MYO1G: variants seen among roughly 807,000 people sequenced by gnomAD.
MYO1G encodes myosin IG.
Under a neutral mutation model 115.3 loss-of-function variants are expected in MYO1G, and 65 were observed. That is an observed-to-expected ratio of 0.56 (90% CI 0.46 to 0.69). The LOEUF is 0.69. Among genes scored for constraint, MYO1G ranks in the 30% least tolerant of loss-of-function variants. The pLI is 0.00. For synonymous variants in MYO1G, 510 were observed against 552.6 expected (o/e 0.92, Z 1.08); for missense variants, 1,204 against 1,393.5 (o/e 0.86, Z 2.16).
In MYO1G at chr7:44,969,408, C is replaced by T. The variant is rs1443029493; in HGVS notation, c.1574+5G>A. 1 of 1,613,846 alleles carries T rather than the reference C, an allele frequency of 6.2e-7. No homozygotes were observed. The highest frequency in any genetic ancestry group is 1.1e-5 in the South Asian group (1 of 91,084). On this transcript the variant is annotated splice_donor_5th_base_variant and intron_variant, in intron 12 of 21. Coordinates refer to ENST00000258787, the MANE Select transcript of MYO1G (RefSeq NM_033054.3). This position sits in a 1 kb window ranked among gnomAD's most constrained non-coding sequence, Gnocchi z 5.0. ...CCAGGGATGTGGGTGGGAGGGGGCC[C>T]TTACGTGACGTCCCCTGCATAGTGC...
In MYO1G at chr7:44,964,064, G is replaced by A. The variant is rs746227035; in HGVS notation, c.2730C>T (p.Ala910=). 16 of 1,596,214 alleles carry A rather than the reference G, an allele frequency of 1.0e-5. No homozygotes were observed. Among genetic ancestry groups the A allele is most frequent in the Non-Finnish European group, 1.4e-5 (16 of 1,171,518 alleles). The change falls in exon 20 of 22, where the codon GCC becomes GCT. Residue 910 remains alanine (A), a synonymous_variant. Coordinates refer to ENST00000258787, the MANE Select transcript of MYO1G (RefSeq NM_033054.3). This position sits in a 1 kb window ranked among gnomAD's most constrained non-coding sequence, Gnocchi z 5.1. ...CATTGCTCACCGCCTCAAGGGGCAC[G>A]GCCCGCATCACCCGGTACTGCCGGT... ...DPDRQYRVMR[A]VPLEAVTGLS... is the part of the protein sequence containing the mutation.
At chr7:44,978,368 G>A (rs969572114) in intron 1 of MYO1G, among the ~76,000 whole-genome samples, 8 of 152,210 alleles carry the variant, frequency 5.3e-5, no homozygotes, top group Non-Finnish European at 1.2e-4. Flanking sequence ...TGGTGGGAAT[G>A]TTTGGACCCT....
chr7:44,973,935 A>C (rs1489772127), intron 5 of MYO1G: 1 of 149,770 alleles, frequency 6.7e-6, no homozygotes, highest in Non-Finnish European at 1.5e-5. Context: ...AGGGGCTCCC[A>C]CCAGGGGGAG....
At position 44,975,555 on chromosome 7, in the gene MYO1G, A is replaced by C; in HGVS notation, c.493T>G (p.Tyr165Asp). 1 of 1,614,006 alleles carries C rather than the reference A, an allele frequency of 6.2e-7. No homozygotes were observed. The highest frequency in any genetic ancestry group is 8.5e-7 in the Non-Finnish European group (1 of 1,179,946). Residue 165 changes from tyrosine to aspartate, a missense_variant, in exon 4 of 22, where the codon TAC becomes GAC. Transcript: ENST00000258787. Reference protein sequence around the residue: ...RNHNSSRFGKYMDINFDFKGD... With the variant: ...RNHNSSRFGKDMDINFDFKGD... ...TTGAAGTCAAAGTTGATGTCCATGT[A>C]CTTGCCAAAGCGGCTGGAGTTGTGA...
rs1251416205 is a variant in MYO1G at position 44,963,905 on chromosome 7, A to T, written c.2745+144T>A. On this transcript the variant is annotated intron_variant, in intron 20 of 21. Transcript: ENST00000258787. This position sits in a 1 kb window ranked among gnomAD's most constrained non-coding sequence, Gnocchi z 4.1. ...CGTGGGAAGCCACTGCAGGATTTTC[A>T]GCACGGGTGCCACCATCGCTGAGTT... The T allele has an allele frequency of 1.0e-5, 7 of 686,508 alleles. No homozygotes were observed. Among genetic ancestry groups the T allele is most frequent in the Non-Finnish European group, 1.7e-5 (7 of 401,522 alleles). 42.5% of individuals were successfully genotyped at this position (686,508 alleles called of 1,614,324 possible). A position where few individuals can be genotyped will look rare whatever the true frequency, so the allele number is the denominator to read the frequency against.
chr7:44,966,158 A>G lies in MYO1G; in HGVS notation c.2072T>C (p.Leu691Pro). 1.2e-6 allele frequency: 2 copies of G among 1,613,096 alleles called. No individual in the cohort carries two copies. The highest frequency in any genetic ancestry group is 1.7e-6 in the Non-Finnish European group (2 of 1,179,980). The change falls in exon 16 of 22, where the codon CTG becomes CCG. Residue 691 changes from leucine to proline, a missense_variant. Leu to Pro is a moderately conservative substitution (Grantham distance 98, BLOSUM62 -3). Transcript: ENST00000258787. This position sits in a 1 kb window ranked among gnomAD's most constrained non-coding sequence, Gnocchi z 5.0. ...CAGTGTCCGGGGTGAGCGGATGAAC[A>G]GCTTGCTGTGGCCAAAGGCCACGTC... is the stretch of plus-strand genomic sequence containing the variant. ...QGDVAFGHSK[L>P]FIRSPRTLVT...
chr7:44,978,847 G>A lies in MYO1G; in HGVS notation c.95+20C>T. On this transcript the variant is annotated intron_variant, in intron 1 of 21. Transcript: ENST00000258787. ...GAGACCCTGGAGGAGGGGAGCCACT[G>A]CCTCCTGCCCTGGGCCTACCTGAGC... 1 of 1,608,772 alleles carries A rather than the reference G, an allele frequency of 6.2e-7. No individual in the cohort carries two copies.
In MYO1G at chr7:44,962,706, T is replaced by C. The variant is rs775673319; in HGVS notation, c.*33A>G. On this transcript the variant is annotated 3_prime_UTR_variant, in exon 22 of 22. Transcript: ENST00000258787. This position sits in a 1 kb window ranked among gnomAD's most constrained non-coding sequence, Gnocchi z 5.3. ...TTTGCAGCGCTGGCGGGGCGGACAATTGGCGGCCTCGGGGTGCGGCGGGTG... is the reference window on the plus strand; with the variant it reads ...TTTGCAGCGCTGGCGGGGCGGACAACTGGCGGCCTCGGGGTGCGGCGGGTG... 8 of 1,453,726 alleles carry C rather than the reference T, an allele frequency of 5.5e-6. No homozygotes were observed. In the South Asian group the frequency reaches 5.6e-5, roughly 10 times the overall value. The allele number at this position is 1,453,726 out of a possible 1,614,324, so 90.1% of individuals were successfully genotyped here.
At chr7:44,972,289 A>G in intron 5 of MYO1G, 64 bp from the exon 6 acceptor site, 1 of 1,182,554 alleles carries the variant, frequency 8.5e-7, no homozygotes, top group Non-Finnish European at 1.3e-6. Flanking sequence ...ACACACACAC[A>G]GGCAGGAGAA....
At chr7:44,976,000 G>A (rs549712102) in intron 3 of MYO1G, among the ~76,000 whole-genome samples, 35 of 152,352 alleles carry the variant, frequency 2.3e-4, no homozygotes, top group Admixed American at 8.5e-4. Context: ...ACCTCCAGCT[G>A]CAGGGGTGGG....
Position 44,963,344 on chromosome 7 carries a change from G to C in MYO1G, c.2746-220C>G. 1 of 537,026 alleles carries C rather than the reference G, an allele frequency of 1.9e-6. No individual in the cohort carries two copies. The highest frequency in any genetic ancestry group is 3.2e-6 in the Non-Finnish European group (1 of 312,184). 33.3% of individuals were successfully genotyped at this position (537,026 alleles called of 1,614,324 possible). A position where few individuals can be genotyped will look rare whatever the true frequency, so the allele number is the denominator to read the frequency against. On this transcript the variant is annotated intron_variant, in intron 20 of 21. Coordinates refer to ENST00000258787, the MANE Select transcript of MYO1G (RefSeq NM_033054.3). This position sits in a 1 kb window ranked among gnomAD's most constrained non-coding sequence, Gnocchi z 4.1. Reference sequence around the variant, plus strand: ...ACGCTGCACAATACGATTTTCTCCAGGACTGATGGTTCTAGATCCTTGCTG... The same window carrying C: ...ACGCTGCACAATACGATTTTCTCCACGACTGATGGTTCTAGATCCTTGCTG...
chr7:44,974,706 AG>A (rs1486771506), intron 5 of MYO1G: 2 of 183,904 alleles, frequency 1.1e-5, no homozygotes, highest in East Asian at 2.5e-4. Flanking sequence ...GTTTGTTTCC[AG>A]GGAGCTCCCA....
At position 44,971,774 on chromosome 7, in the gene MYO1G, C is replaced by T. The variant is rs1794963150; in HGVS notation, c.745G>A (p.Glu249Lys). The T allele has an allele frequency of 1.0e-5, 16 of 1,555,582 alleles. No homozygotes were observed. The highest frequency in any genetic ancestry group is 1.3e-5 in the Non-Finnish European group (15 of 1,148,940). ...MTVHSALDSDEQSHQAVTEAM... is the reference protein window; with the variant it reads ...MTVHSALDSDKQSHQAVTEAM... ...TCGGTCACTGCCTGGTGGCTCTGCT[C>T]ATCACTGTCCAAGGCCTAGGGTAGA... Residue 249 changes from glutamate to lysine, a missense_variant, in exon 7 of 22, where the codon GAG becomes AAG. Transcript: ENST00000258787.
intron 14 of MYO1G, among the ~76,000 whole-genome samples, chr7:44,967,067 G>T (rs770594652): frequency 1.3e-5 from 2 of 152,158 alleles, no homozygotes; most frequent in African/African-American, 4.8e-5. Flanking sequence ...TGGGGAGGTG[G>T]GCGTGGCAGG....
In MYO1G at chr7:44,965,710, G is replaced by A. The variant is rs760917700; in HGVS notation, c.2308C>T (p.Arg770Cys). 108 of 1,612,890 alleles carry A rather than the reference G, an allele frequency of 6.7e-5. No individual in the cohort carries two copies. The highest frequency in any genetic ancestry group is 9.0e-5 in the Non-Finnish European group (106 of 1,180,016). The change falls in exon 17 of 22, where the codon CGT becomes TGT. Residue 770 changes from arginine (R) to cysteine (C), a missense_variant. Physicochemically the swap from Arg to Cys is radical, Grantham distance 180 (BLOSUM62 -3). Coordinates refer to ENST00000258787, the MANE Select transcript of MYO1G (RefSeq NM_033054.3). ...QAARQPPLYG[R>C]DLVWPLPPAV... ...GGGGGCAGCGGCCACACAAGGTCAC[G>A]CCCGTAGAGTGGCGGCTGCCTTGCA...
chr7:44,977,777 T>C (rs1275134557), intron 1 of MYO1G, among the ~76,000 whole-genome samples: 1 of 152,058 alleles, frequency 6.6e-6, no homozygotes, highest in Non-Finnish European at 1.5e-5. Flanking sequence ...CATCTCCCCT[T>C]GGTGTGTGGT....
chr7:44,978,454 A>G (rs1440718935), intron 1 of MYO1G, among the ~76,000 whole-genome samples: 1 of 152,184 alleles, frequency 6.6e-6, no homozygotes, highest in Non-Finnish European at 1.5e-5. Flanking sequence ...GCATCGAGGG[A>G]GCATCAACAA....
At position 44,976,646 on chromosome 7, in the gene MYO1G, C is replaced by T. The variant is rs1270520109; in HGVS notation, c.316G>A (p.Ala106Thr). The T allele has an allele frequency of 1.2e-6, 2 of 1,614,046 alleles. No individual in the cohort carries two copies. ...TGCTTACTGGCTTCTGTCTTCCCTG[C>T]CCCACTCTCCCCTGCCGGAAAGACC... ...TCIVISGESG[A>T]GKTEASKHIM... Residue 106 changes from alanine (A) to threonine (T), a missense_variant, in exon 3 of 22, where the codon GCA (alanine) becomes ACA (threonine). Transcript: ENST00000258787.
Position 44,966,473 on chromosome 7 carries a change from G to T in MYO1G, c.1950-193C>A. On this transcript the variant is annotated intron_variant, in intron 15 of 21. Coordinates refer to ENST00000258787, the MANE Select transcript of MYO1G (RefSeq NM_033054.3). This position sits in a 1 kb window ranked among gnomAD's most constrained non-coding sequence, Gnocchi z 5.0. ...GTCCTCACACAGCCCTCATACCCATGTTCCCACCTGTATGTCCCCACATGC... is the reference window on the plus strand; with the variant it reads ...GTCCTCACACAGCCCTCATACCCATTTTCCCACCTGTATGTCCCCACATGC... The T allele has an allele frequency of 1.2e-6, 1 of 827,872 alleles. No individual in the cohort carries two copies. The highest frequency in any genetic ancestry group is 2.0e-6 in the Non-Finnish European group (1 of 499,148). The allele number at this position is 827,872 out of a possible 1,614,324, so 51.3% of individuals were successfully genotyped here. A position where few individuals can be genotyped will look rare whatever the true frequency, so the allele number is the denominator to read the frequency against.
Sources: gnomAD v4.1 joint callset for allele counts (sites outside exome capture counted in the v4.1 genomes callset) on GRCh38, gnomAD v4.1.1 for gene constraint, Gnocchi (gnomAD v3.1) non-coding constraint, MANE v1.5 for transcripts, NCBI Gene and HGNC (gene_info 2026-07-23, HGNC 2026-07-21) for gene names.